RBFOX3: variants seen among roughly 807,000 people sequenced by gnomAD.
RBFOX3 encodes RNA binding fox-1 homolog 3, also known as RNA binding protein fox-1 homolog 3.
A neutral mutation model predicts 48.7 loss-of-function variants in RBFOX3; 17 were observed. The observed-to-expected ratio is 0.35, with a 90% CI of 0.24 to 0.52. The LOEUF is 0.52. RBFOX3 is among the 20% of genes least tolerant of loss of function. The probability of loss-of-function intolerance (pLI) is 0.94; values close to 1 mark genes in which losing one functional copy is unlikely to be tolerated. For missense variants in RBFOX3, 382 were observed against 497.5 expected (o/e 0.77, Z 2.21); for synonymous variants, 212 against 209.5 (o/e 1.01, Z -0.10).
intron 1 of RBFOX3, among the ~76,000 whole-genome samples, chr17:79,518,462 G>T (rs1036260453): frequency 6.6e-6 from 1 of 152,244 alleles, no homozygotes; most frequent in Non-Finnish European, 1.5e-5. Flanking sequence ...GATGGTGCTG[G>T]AAAGTGCCTT....
chr17:79,281,663 C>T (rs1265986997), intron 3 of RBFOX3, among the ~76,000 whole-genome samples: 2 of 152,226 alleles, frequency 1.3e-5, no homozygotes, highest in Non-Finnish European at 1.5e-5. Context: ...GCCCATTCTG[C>T]TCAGTGATCA....
Position 79,421,249 on chromosome 17 carries a change from A to T in RBFOX3, c.-175+61205T>A, listed in dbSNP as rs2066318310. Reference sequence around the variant, plus strand: ...GTTCCACCCTGTGTCTTTTAGCTGTAATGAACCCTGAGCGTGAGAACCATG... The same window carrying T: ...GTTCCACCCTGTGTCTTTTAGCTGTTATGAACCCTGAGCGTGAGAACCATG... On this transcript the variant is annotated intron_variant, in intron 2 of 14. Coordinates refer to ENST00000693108, the MANE Select transcript of RBFOX3 (RefSeq NM_001350451.2). The surrounding 1 kb of genome is among the most constrained non-coding windows in gnomAD (Gnocchi z 4.5). 6.6e-6 allele frequency among the ~76,000 whole-genome samples: 1 copy of T among 152,180 alleles called. No homozygotes were observed. Among genetic ancestry groups the T allele is most frequent in the Non-Finnish European group, 1.5e-5 (1 of 68,018 alleles).
chr17:79,615,062 A>G (rs2093988744), upstream of RBFOX3, among the ~76,000 whole-genome samples: 1 of 133,392 alleles, frequency 7.5e-6, no homozygotes, highest in African/African-American at 3.8e-5. Context: ...AAATCACTGA[A>G]GAAAAAAAAA....
chr17:79,126,776 G>C (rs928107724), intron 4 of RBFOX3, among the ~76,000 whole-genome samples: 1 of 152,112 alleles, frequency 6.6e-6, no homozygotes, highest in Non-Finnish European at 1.5e-5. Context: ...CTCCCTGACC[G>C]GCACCCCGGA....
intron 2 of RBFOX3, among the ~76,000 whole-genome samples, chr17:79,407,929 G>A (rs1471283805): frequency 6.6e-6 from 1 of 152,168 alleles, no homozygotes; most frequent in African/African-American, 2.4e-5. Context: ...GCCTGGAGTC[G>A]GAATGCAAAG....
chr17:79,615,384 C>T (rs1246738966), upstream of RBFOX3, among the ~76,000 whole-genome samples: 1 of 152,010 alleles, frequency 6.6e-6, no homozygotes, highest in East Asian at 1.9e-4. Context: ...ATGGAAGAAA[C>T]AGAGGATCTA....
chr17:79,646,785 G>A, the RBFOX3 span, among the ~76,000 whole-genome samples: 61 of 152,134 alleles, frequency 4.0e-4, no homozygotes, highest in African/African-American at 9.2e-4. Context: ...CTGCTCTGCC[G>A]CCAGCACCCT....
intron 1 of RBFOX3, among the ~76,000 whole-genome samples, chr17:79,594,540 G>GGCC (rs1372672866): frequency 1.3e-5 from 2 of 152,142 alleles, no homozygotes; most frequent in Non-Finnish European, 2.9e-5. Context: ...TGTGCAGCCC[G>GGCC]GCCCCTGCGC....
chr17:79,378,592 C>T (rs2059510744), intron 2 of RBFOX3, among the ~76,000 whole-genome samples: 1 of 152,136 alleles, frequency 6.6e-6, no homozygotes. Flanking sequence ...GAGCCCGGGA[C>T]AGAACCTCCC....
chr17:79,599,936 T>C (rs1305758216), intron 1 of RBFOX3: 1 of 152,154 alleles, frequency 6.6e-6, no homozygotes, highest in Admixed American at 6.5e-5. Flanking sequence ...GATCATATCA[T>C]CAATTAGCCA....
chr17:79,239,284 A>G (rs2062026338), intron 3 of RBFOX3, among the ~76,000 whole-genome samples: 1 of 151,972 alleles, frequency 6.6e-6, no homozygotes. Context: ...GGCCTTTTGG[A>G]TGACATCCCA....
At chr17:79,323,232 T>C (rs2078810220) in intron 2 of RBFOX3, among the ~76,000 whole-genome samples, 1 of 152,230 alleles carries the variant, frequency 6.6e-6, no homozygotes, top group South Asian at 2.1e-4. Flanking sequence ...GGAGCAGATT[T>C]GCTATTGTTT....
rs181368696 is a variant in RBFOX3, at chr17:79,275,408, C to T, written c.-74+32316G>A. ...GGCCTCACACTTGTTCTGTTCTCTG[C>T]TGAGCACTCACGTGATCATGATTTC... On this transcript the variant is annotated intron_variant, in intron 3 of 14. Transcript: ENST00000693108. 4.6e-5 allele frequency among the ~76,000 whole-genome samples: 7 copies of T among 152,292 alleles called. No homozygotes were observed. The East Asian group carries it at 1.4e-3, about 29-fold the overall frequency.
chr17:79,341,692 G>A (rs1353760956), intron 2 of RBFOX3, among the ~76,000 whole-genome samples: 1 of 151,980 alleles, frequency 6.6e-6, no homozygotes, highest in Non-Finnish European at 1.5e-5. Context: ...GTGTGCATGG[G>A]GGACAGAGCC....
intron 6 of RBFOX3, 79 bp from the exon 7 acceptor site, chr17:79,104,205 ACTCCTGAG>A: frequency 8.2e-7 from 1 of 1,218,248 alleles, no homozygotes; most frequent in African/African-American, 1.5e-5. Flanking sequence ...TGCCCGCTCC[ACTCCTGAG>A]ACGCTCATGC....
At chr17:79,655,733 T>C in the RBFOX3 span, among the ~76,000 whole-genome samples, 1 of 152,156 alleles carries the variant, frequency 6.6e-6, no homozygotes, top group Non-Finnish European at 1.5e-5. Context: ...ATAAGAAGGT[T>C]CTGGAACAGT....
At chr17:79,388,386 C>A (rs1295226527) in intron 2 of RBFOX3, among the ~76,000 whole-genome samples, 1 of 152,140 alleles carries the variant, frequency 6.6e-6, no homozygotes, top group Non-Finnish European at 1.5e-5. Context: ...TTTTAGGGAG[C>A]TTTGTCAAGG....
intron 3 of RBFOX3, among the ~76,000 whole-genome samples, chr17:79,277,550 C>T (rs924734959): frequency 6.6e-6 from 1 of 152,244 alleles, no homozygotes; most frequent in Admixed American, 6.5e-5. Flanking sequence ...TCTGCTGTTA[C>T]AGCCGACGCG....
intron 2 of RBFOX3, among the ~76,000 whole-genome samples, chr17:79,313,256 G>T (rs978601618): frequency 6.6e-6 from 1 of 152,210 alleles, no homozygotes; most frequent in African/African-American, 2.4e-5. Context: ...AGGCAGGGCT[G>T]GGGGAGGCTC....
Sources: gnomAD v4.1 joint callset for allele counts (sites outside exome capture counted in the v4.1 genomes callset) on GRCh38, gnomAD v4.1.1 for gene constraint, Gnocchi (gnomAD v3.1) non-coding constraint, MANE v1.5 for transcripts, NCBI Gene and HGNC (gene_info 2026-07-23, HGNC 2026-07-21) for gene names.